GLRA3: variants seen among roughly 807,000 people sequenced by gnomAD.
The protein encoded by GLRA3 is glycine receptor alpha 3, also known as glycine receptor subunit alpha-3.
GLRA3 carries 44 observed loss-of-function variants against 60.4 expected under a neutral mutation model. That is an observed-to-expected ratio of 0.73 (90% CI 0.57 to 0.94). The LOEUF (loss-of-function observed/expected upper bound fraction) is 0.94. Ranked by LOEUF, GLRA3 falls within the 40% of genes least tolerant of loss-of-function variation. The pLI is 0.00. For synonymous variants in GLRA3, 223 were observed against 192.9 expected, an observed-to-expected ratio of 1.16 and a Z score of -1.29; for missense variants, 508 against 564.6, an observed-to-expected ratio of 0.90 and a Z score of 1.02.
chr4:174,713,997 C>T (rs1332909383), intron 5 of GLRA3, among the ~76,000 whole-genome samples: 4 of 152,194 alleles, frequency 2.6e-5, no homozygotes, highest in African/African-American at 7.2e-5. Context: ...TTTATCTAAG[C>T]TATTTCTCTC....
At chr4:174,649,411 T>G (rs61184563) in intron 9 of GLRA3, among the ~76,000 whole-genome samples, 1,580 of 152,244 alleles carry the variant, frequency 0.01, 28 homozygotes, top group African/African-American at 0.036. Flanking sequence ...GGAAAGGATG[T>G]GATACATAAA....
At chr4:174,693,476 C>A (rs1187718854) in intron 5 of GLRA3, among the ~76,000 whole-genome samples, 1 of 151,870 alleles carries the variant, frequency 6.6e-6, no homozygotes, top group East Asian at 1.9e-4. Context: ...GTAGATGTTT[C>A]ATCTTCTTTC....
At chr4:174,745,479 A>T (rs1737208065) in intron 3 of GLRA3, among the ~76,000 whole-genome samples, 1 of 152,212 alleles carries the variant, frequency 6.6e-6, no homozygotes, top group Non-Finnish European at 1.5e-5. Context: ...TAGGTCGTAC[A>T]TTTAAGTATA....
At chr4:174,800,499 G>A (rs1467717270) in intron 1 of GLRA3, among the ~76,000 whole-genome samples, 1 of 151,944 alleles carries the variant, frequency 6.6e-6, no homozygotes, top group African/African-American at 2.4e-5. Flanking sequence ...CAGTCACACT[G>A]CATCTCCTGA....
At chr4:174,804,557 T>C (rs1261965471) in intron 1 of GLRA3, among the ~76,000 whole-genome samples, 1 of 152,138 alleles carries the variant, frequency 6.6e-6, no homozygotes, top group Non-Finnish European at 1.5e-5. Context: ...GGTTTGGTAC[T>C]GGATGTGAAG....
chr4:174,773,872 AG>A (rs1382380244), intron 2 of GLRA3, among the ~76,000 whole-genome samples: 5 of 152,086 alleles, frequency 3.3e-5, no homozygotes, highest in South Asian at 2.1e-4. Flanking sequence ...GGGATGGCTG[AG>A]GGGGTCGTAG....
intron 1 of GLRA3, among the ~76,000 whole-genome samples, chr4:174,807,154 TA>T (rs1220403253): frequency 6.6e-6 from 1 of 152,010 alleles, no homozygotes; most frequent in African/African-American, 2.4e-5. Flanking sequence ...AGAGAACAAC[TA>T]CTTCAAACTT....
intron 1 of GLRA3, among the ~76,000 whole-genome samples, chr4:174,800,883 A>G (rs1739783154): frequency 6.6e-6 from 1 of 151,716 alleles, no homozygotes; most frequent in Non-Finnish European, 1.5e-5. Flanking sequence ...AAAACTGACA[A>G]TGGCTGGCTT....
intron 7 of GLRA3, among the ~76,000 whole-genome samples, chr4:174,663,685 AAC>A (rs2110905411): frequency 1.3e-5 from 2 of 152,292 alleles, no homozygotes; most frequent in South Asian, 4.1e-4. Flanking sequence ...AAGTACAGCA[AAC>A]ACAGGACGTG....
intron 3 of GLRA3, among the ~76,000 whole-genome samples, chr4:174,729,934 T>A (rs1285109408): frequency 3.9e-5 from 6 of 152,190 alleles, no homozygotes; most frequent in Non-Finnish European, 8.8e-5. Flanking sequence ...ATTGCTTATG[T>A]TATTGGTAGG....
At chr4:174,762,427 T>A (rs1737977054) in intron 3 of GLRA3, among the ~76,000 whole-genome samples, 1 of 152,162 alleles carries the variant, frequency 6.6e-6, no homozygotes, top group African/African-American at 2.4e-5. Flanking sequence ...CCCTTTTACC[T>A]ATATCATGGA....
chr4:174,673,327 G>C (rs1181917404), intron 7 of GLRA3, among the ~76,000 whole-genome samples: 6 of 151,922 alleles, frequency 3.9e-5, no homozygotes, highest in Non-Finnish European at 7.4e-5. Flanking sequence ...AATTCCTTCA[G>C]TGCCAAGGTC....
intron 9 of GLRA3, among the ~76,000 whole-genome samples, chr4:174,650,370 T>C (rs1732983318): frequency 1.3e-5 from 2 of 152,106 alleles, no homozygotes; most frequent in African/African-American, 4.8e-5. Flanking sequence ...TCTGAGGTCT[T>C]AACATTCACT....
chr4:174,655,294 G>A (rs1184840111), intron 9 of GLRA3, among the ~76,000 whole-genome samples: 1 of 151,974 alleles, frequency 6.6e-6, no homozygotes, highest in Non-Finnish European at 1.5e-5. Flanking sequence ...GTTAGTTTAG[G>A]GAAATAGTTT....
intron 1 of GLRA3, among the ~76,000 whole-genome samples, chr4:174,799,933 C>T (rs1239342514): frequency 6.6e-6 from 1 of 152,072 alleles, no homozygotes; most frequent in African/African-American, 2.4e-5. Context: ...ACCAAAGATT[C>T]AGATGATGAA....
chr4:174,647,588 C>T (rs1157198590), intron 9 of GLRA3, among the ~76,000 whole-genome samples: 1 of 152,032 alleles, frequency 6.6e-6, no homozygotes, highest in East Asian at 1.9e-4. Context: ...ACACTGCAAA[C>T]TAGTGACTAT....
At chr4:174,746,257 A>C (rs1417775622) in intron 3 of GLRA3, among the ~76,000 whole-genome samples, 1 of 152,172 alleles carries the variant, frequency 6.6e-6, no homozygotes, top group Non-Finnish European at 1.5e-5. Flanking sequence ...GTCTATTAAC[A>C]GGTGAATGAG....
intron 3 of GLRA3, among the ~76,000 whole-genome samples, chr4:174,762,867 G>A (rs1179660234): frequency 2.0e-5 from 3 of 152,018 alleles, no homozygotes; most frequent in South Asian, 2.1e-4. Context: ...AGAAGGCTCC[G>A]TGGTACCTCC....
chr4:174,661,420 A>T (rs1259035313), intron 7 of GLRA3, among the ~76,000 whole-genome samples: 2 of 152,200 alleles, frequency 1.3e-5, no homozygotes, highest in East Asian at 1.9e-4. Flanking sequence ...TAACATCTCA[A>T]TTCTGCCAAC....
Sources: allele counts gnomAD v4.1 joint callset (sites outside exome capture counted in the v4.1 genomes callset), GRCh38; gene constraint gnomAD v4.1.1; transcripts MANE v1.5; gene names NCBI Gene and HGNC (gene_info 2026-07-23, HGNC 2026-07-21).